EP400: variants seen among roughly 807,000 people sequenced by gnomAD.
The protein encoded by EP400 is E1A-binding protein p400.
In EP400, 105 loss-of-function variants were observed where a neutral mutation model predicts 354.1. That is an observed-to-expected ratio of 0.30 (90% CI 0.25 to 0.35). The LOEUF (loss-of-function observed/expected upper bound fraction) is 0.35. EP400 is among the 10% of genes least tolerant of loss of function. EP400 has a pLI of 1.00. For synonymous variants in EP400, 1,646 were observed against 1,716.9 expected, an observed-to-expected ratio of 0.96 and a Z score of 1.02; for missense variants, 3,280 against 4,121.0, an observed-to-expected ratio of 0.80 and a Z score of 5.59.
At chr12:131,985,671 A>G (rs1184511475) in intron 5 of EP400, among the ~76,000 whole-genome samples, 2 of 152,180 alleles carry the variant, frequency 1.3e-5, no homozygotes, top group Non-Finnish European at 2.9e-5. Context: ...AGAATGGCGC[A>G]ATCTCAGCTC....
At chr12:132,061,332 A>G (rs1254103736) in intron 45 of EP400, among the ~76,000 whole-genome samples, 1 of 148,340 alleles carries the variant, frequency 6.7e-6, no homozygotes, top group East Asian at 1.9e-4. Context: ...GGAGATGAAA[A>G]GAAACATACA....
intron 6 of EP400, among the ~76,000 whole-genome samples, chr12:131,987,370 A>G (rs1892887602): frequency 6.6e-6 from 1 of 152,154 alleles, no homozygotes; most frequent in Admixed American, 6.6e-5. Context: ...TCTAGAAGCA[A>G]ATTCCAGACA....
In EP400 at chr12:132,067,033, G is replaced by T; in HGVS notation, c.8749+64G>T. ...CCTGGTTTCACAGGCCTCTCTGGTG[G>T]CAGTGGTCGCCAGCGACCCGTGTTC... On this transcript the variant is annotated intron_variant, in intron 49 of 52. Coordinates refer to ENST00000389561, the MANE Select transcript of EP400 (RefSeq NM_015409.5). The surrounding 1 kb of genome is among the most constrained non-coding windows in gnomAD (Gnocchi z 5.3). 3 of 1,465,322 alleles carry T rather than the reference G, an allele frequency of 2.0e-6. No homozygotes were observed. Among genetic ancestry groups the T allele is most frequent in the Non-Finnish European group, 2.7e-6 (3 of 1,109,484 alleles). 90.8% of individuals were successfully genotyped at this position (1,465,322 alleles called of 1,614,324 possible).
In EP400 at chr12:132,027,834, T is replaced by C. The variant is rs1394355958; in HGVS notation, c.5110-183T>C. Among the ~76,000 whole-genome samples the C allele has an allele frequency of 6.6e-6, 1 of 152,226 alleles. No individual in the cohort carries two copies. Among genetic ancestry groups the C allele is most frequent in the Non-Finnish European group, 1.5e-5 (1 of 68,040 alleles). On this transcript the variant is annotated intron_variant, in intron 26 of 52. Coordinates refer to ENST00000389561, the MANE Select transcript of EP400 (RefSeq NM_015409.5). The surrounding 1 kb of genome is among the most constrained non-coding windows in gnomAD (Gnocchi z 4.9). ...GAGAACGCTTGTGCTCTCGGCTTCA[T>C]TTCCATCTCTATTTCCTGTAGCTCT...
At chr12:132,063,393 A>G (rs985661772) in intron 47 of EP400, among the ~76,000 whole-genome samples, 9 of 152,140 alleles carry the variant, frequency 5.9e-5, no homozygotes, top group African/African-American at 1.7e-4. Flanking sequence ...GGTGCCTGTA[A>G]TCCCAGCTGA....
chr12:132,073,932 T>C (rs1329468951), intron 51 of EP400, among the ~76,000 whole-genome samples: 3 of 133,308 alleles, frequency 2.3e-5, no homozygotes, highest in Admixed American at 7.3e-5. Flanking sequence ...TTTTTTTTTT[T>C]TTTTTTTTTT....
At chr12:132,001,370 C>T (rs954367602) in intron 12 of EP400, among the ~76,000 whole-genome samples, 1 of 152,150 alleles carries the variant, frequency 6.6e-6, no homozygotes, top group African/African-American at 2.4e-5. Flanking sequence ...ACAGCTTACG[C>T]CATTATTTCT....
At chr12:131,950,780 G>A (rs1891447446) in intron 1 of EP400, among the ~76,000 whole-genome samples, 1 of 152,236 alleles carries the variant, frequency 6.6e-6, no homozygotes, top group East Asian at 1.9e-4. Flanking sequence ...CTGAGACGGG[G>A]TCTCGCTCTG....
chr12:132,043,341 A>G lies in EP400; in HGVS notation c.6245A>G (p.Gln2082Arg). The G allele has an allele frequency of 1.2e-6, 2 of 1,614,062 alleles. No homozygotes were observed. The highest frequency in any genetic ancestry group is 1.7e-6 in the Non-Finnish European group (2 of 1,180,016). ...ATTGAGTATCTGGAGGAGGATGCCC[A>G]GAAGTCCGCACAGGAGGGGGTGCTG... is the stretch of plus-strand genomic sequence containing the variant. ...KSIEYLEEDAQKSAQEGVLGP... is the reference protein window; with the variant it reads ...KSIEYLEEDARKSAQEGVLGP... The change falls in exon 33 of 53, where the codon CAG becomes CGG. Residue 2082 changes from glutamine to arginine, a missense_variant. Transcript: ENST00000389561.
At chr12:131,979,614 G>C in intron 2 of EP400, 80 bp from the exon 3 acceptor site, 2 of 1,290,248 alleles carry the variant, frequency 1.6e-6, no homozygotes, top group Non-Finnish European at 2.1e-6. Context: ...GTCGATGTTT[G>C]GGATAATTAT....
chr12:132,012,627 A>G (rs1264194970), intron 16 of EP400, among the ~76,000 whole-genome samples: 2 of 152,202 alleles, frequency 1.3e-5, no homozygotes, highest in African/African-American at 4.8e-5. Context: ...AAAGTGTATA[A>G]TGCAGTCAGT....
At chr12:132,042,063 A>G (rs1894931353) in intron 32 of EP400, among the ~76,000 whole-genome samples, 1 of 151,130 alleles carries the variant, frequency 6.6e-6, no homozygotes, top group Non-Finnish European at 1.5e-5. Context: ...GTGATCCTCC[A>G]GCTCAGCTTC....
At chr12:131,979,938 A>C (rs142983659) in intron 3 of EP400, 145 bp downstream of exon 3, 4 of 579,510 alleles carry the variant, frequency 6.9e-6, no homozygotes, top group Non-Finnish European at 1.2e-5. Context: ...AGTGATTATC[A>C]GCTGAACAAT....
intron 16 of EP400, among the ~76,000 whole-genome samples, chr12:132,012,439 G>T (rs1363862985): frequency 6.6e-6 from 1 of 152,160 alleles, no homozygotes; most frequent in Non-Finnish European, 1.5e-5. Context: ...AGGGATGGAA[G>T]GGCAAAAGGG....
intron 15 of EP400, among the ~76,000 whole-genome samples, chr12:132,010,344 GA>G (rs1893726121): frequency 6.6e-6 from 1 of 152,150 alleles, no homozygotes; most frequent in Non-Finnish European, 1.5e-5. Context: ...CTCAGCCTCT[GA>G]AAGTGTTGTG....
intron 24 of EP400, 131 bp downstream of exon 24, chr12:132,024,072 C>A: frequency 9.6e-7 from 1 of 1,042,422 alleles, no homozygotes; most frequent in Non-Finnish European, 1.3e-6. Context: ...ATGCATCTCA[C>A]CTCATGGGTT....
rs746404682 is a variant in EP400, at chr12:132,029,798, C to G, written c.5479C>G (p.Gln1827Glu). 3 of 1,613,684 alleles carry G rather than the reference C, an allele frequency of 1.9e-6. No individual in the cohort carries two copies. The highest frequency in any genetic ancestry group is 2.2e-5 in the South Asian group (2 of 91,090). Residue 1827 changes from glutamine (Q) to glutamate (E), a missense_variant, in exon 28 of 53, where the codon CAG (glutamine) becomes GAG (glutamate). Physicochemically the swap from Gln to Glu is conservative, Grantham distance 29. This residue lies in a region of EP400 where 459 missense variants were observed against 496.9 expected (regional missense o/e 0.92). Transcript: ENST00000389561. This position sits in a 1 kb window ranked among gnomAD's most constrained non-coding sequence, Gnocchi z 4.7. ...LYSHRMRILRQGLREHAAPYF... is the reference protein window; with the variant it reads ...LYSHRMRILREGLREHAAPYF... ...CAGCCACAGAATGAGGATCTTGAGG[C>G]AGGGCCTGAGAGAGCACGCTGCGCC...
intron 2 of EP400, among the ~76,000 whole-genome samples, chr12:131,967,968 C>T (rs1411649907): frequency 6.6e-6 from 1 of 152,140 alleles, no homozygotes; most frequent in Non-Finnish European, 1.5e-5. Context: ...AGAGTTATTA[C>T]TGCATTTGAA....
At chr12:132,055,812 A>G (rs1211562758) in intron 45 of EP400, among the ~76,000 whole-genome samples, 1 of 151,476 alleles carries the variant, frequency 6.6e-6, no homozygotes, top group East Asian at 1.9e-4. Flanking sequence ...GATAGGAGGT[A>G]GGCGGGATGT....
Sources: allele counts gnomAD v4.1 joint callset (sites outside exome capture counted in the v4.1 genomes callset), GRCh38; gene constraint gnomAD v4.1.1; regional missense constraint gnomAD v4.1.1; non-coding constraint Gnocchi (gnomAD v3.1); transcripts MANE v1.5; gene names NCBI Gene and HGNC (gene_info 2026-07-23, HGNC 2026-07-21).